KANK1: variants seen among roughly 807,000 people sequenced by gnomAD.
The protein encoded by KANK1 is KN motif and ankyrin repeat domains 1, also known as KN motif and ankyrin repeat domain-containing protein 1.
A neutral mutation model predicts 106.2 loss-of-function variants in KANK1; 109 were observed. The observed-to-expected ratio is 1.03, with a 90% CI of 0.88 to 1.20. The LOEUF (loss-of-function observed/expected upper bound fraction) is 1.20. KANK1 is among the 50% of genes most tolerant of loss of function. The pLI is 0.00. For synonymous variants in KANK1, 873 were observed against 652.2 expected (o/e 1.34, Z -5.16); for missense variants, 2,399 against 1,710.7 (o/e 1.40, Z -7.10).
intron 2 of KANK1, chr9:684,510 A>G: frequency 1.0e-6 from 1 of 985,440 alleles, no homozygotes. Context: ...CAAAGGGTTA[A>G]AACAGCCCTT....
chr9:654,319 C>T (rs979492420), intron 1 of KANK1, among the ~76,000 whole-genome samples: 4 of 152,140 alleles, frequency 2.6e-5, no homozygotes, highest in African/African-American at 9.7e-5. Flanking sequence ...GGGTGTTTTC[C>T]AAATTTTGCT....
chr9:493,879 T>A (rs895347847), intron 3 of KANK1, among the ~76,000 whole-genome samples: 1 of 150,740 alleles, frequency 6.6e-6, no homozygotes, highest in Non-Finnish European at 1.5e-5. Flanking sequence ...ACTAATAGTT[T>A]ACATACATTT....
intron 1 of KANK1, among the ~76,000 whole-genome samples, chr9:635,983 T>G (rs1001133712): frequency 3.9e-5 from 6 of 152,146 alleles, no homozygotes; most frequent in Admixed American, 2.0e-4. Context: ...CTTTATTCCT[T>G]CTTAATGAGG....
At chr9:562,042 CTTTTTTTTT>C (rs34419752) in intron 1 of KANK1, among the ~76,000 whole-genome samples, 4 of 104,926 alleles carry the variant, frequency 3.8e-5, no homozygotes, top group Non-Finnish European at 5.4e-5. Flanking sequence ...ATTGCATTTT[CTTTTTTTTT>C]TTTTTTTTTT....
intron 1 of KANK1, among the ~76,000 whole-genome samples, chr9:561,577 T>TAGGAA (rs1816455625): frequency 6.6e-6 from 1 of 152,218 alleles, no homozygotes; most frequent in Non-Finnish European, 1.5e-5. Flanking sequence ...ATTGGTACTA[T>TAGGAA]TTACTTATGG....
At position 543,559 on chromosome 9, in the gene KANK1, C is replaced by CAAAAAA. The variant is rs57776331; in HGVS notation, c.-84+38820_-84+38825dup. ...GGGCAACAAGAGTGAAACTCTGTCT[C>CAAAAAA]AAAAAAAAAAAAAAAAAAAATTGAA... On this transcript the variant is annotated intron_variant, in intron 1 of 11. Transcript: ENST00000382297. 1.6e-3 allele frequency among the ~76,000 whole-genome samples: 192 copies of CAAAAAA among 120,420 alleles called. 1 individual carries two copies. Among genetic ancestry groups the CAAAAAA allele is most frequent in the Non-Finnish European group, 1.9e-3 (103 of 53,582 alleles). The allele number at this position is 120,420 out of a possible 152,430, so 79.0% of individuals were successfully genotyped here.
rs369806854 is a variant in KANK1, at chr9:607,762, A to C, written c.-83-69128A>C. ...CATTTCCTTGTTCTCCTAACTTACT[A>C]TGCTGGGAGGAAATAATATGGTGTG... On this transcript the variant is annotated intron_variant, in intron 1 of 11. Transcript: ENST00000382297. Among the ~76,000 whole-genome samples, 83 of 151,804 alleles carry C rather than the reference A, an allele frequency of 5.5e-4. 1 individual carries two copies. The highest frequency in any genetic ancestry group is 1.9e-3 in the African/African-American group (78 of 41,144).
At chr9:698,344 T>G (rs1422919139) in intron 2 of KANK1, among the ~76,000 whole-genome samples, 1 of 152,192 alleles carries the variant, frequency 6.6e-6, no homozygotes, top group African/African-American at 2.4e-5. Context: ...CCTAAAATGT[T>G]GTCTCCTGTT....
intron 2 of KANK1, among the ~76,000 whole-genome samples, chr9:698,538 C>G (rs1000333096): frequency 2.6e-5 from 4 of 152,092 alleles, no homozygotes; most frequent in African/African-American, 9.7e-5. Flanking sequence ...AGCCCAGAGA[C>G]CGGATCCTGG....
chr9:516,412 C>T (rs1378345122), intron 1 of KANK1, among the ~76,000 whole-genome samples: 2 of 151,618 alleles, frequency 1.3e-5, no homozygotes, highest in Non-Finnish European at 2.9e-5. Flanking sequence ...TTGGGAGAAG[C>T]GATTCAAATA....
intron 1 of KANK1, among the ~76,000 whole-genome samples, chr9:556,854 C>A (rs1292198298): frequency 1.3e-5 from 2 of 152,166 alleles, no homozygotes; most frequent in Non-Finnish European, 2.9e-5. Context: ...TCATTCCTCC[C>A]TGCCTTAGTC....
At chr9:723,406 G>A (rs1237858024) in intron 3 of KANK1, among the ~76,000 whole-genome samples, 1 of 152,180 alleles carries the variant, frequency 6.6e-6, no homozygotes, top group Non-Finnish European at 1.5e-5. Flanking sequence ...CTGTTACAGA[G>A]GTGGTTACAC....
chr9:518,815 G>T (rs1399977129), intron 1 of KANK1, among the ~76,000 whole-genome samples: 1 of 151,624 alleles, frequency 6.6e-6, no homozygotes, highest in Non-Finnish European at 1.5e-5. Flanking sequence ...GTAGAGGCAG[G>T]CTCAGGGACC....
At chr9:663,165 ATAAAT>A (rs1433806760) in intron 1 of KANK1, among the ~76,000 whole-genome samples, 2 of 152,088 alleles carry the variant, frequency 1.3e-5, no homozygotes, top group African/African-American at 4.8e-5. Flanking sequence ...TAAGCAGAAA[ATAAAT>A]GAGAACTGTA....
At chr9:732,240 C>G (rs1034526108) in intron 5 of KANK1, 138 bp from the exon 6 acceptor site, 1 of 1,025,914 alleles carries the variant, frequency 9.7e-7, no homozygotes, top group African/African-American at 1.6e-5. Flanking sequence ...ATAGACCTTA[C>G]TTTGAACTTC....
chr9:645,758 A>C, intron 1 of KANK1, among the ~76,000 whole-genome samples: 1 of 150,466 alleles, frequency 6.6e-6, no homozygotes. Context: ...GGTGGCATGC[A>C]CCTGTAATCC....
intron 1 of KANK1, among the ~76,000 whole-genome samples, chr9:524,830 G>A (rs1428709747): frequency 2.6e-5 from 4 of 151,288 alleles, no homozygotes; most frequent in African/African-American, 9.8e-5. Context: ...TACTGGTTTT[G>A]ATCAGTGTTC....
At chr9:629,418 A>G (rs16921346) in intron 1 of KANK1, among the ~76,000 whole-genome samples, 4,879 of 152,266 alleles carry the variant, frequency 0.032, 256 homozygotes, top group African/African-American at 0.11. Context: ...CAGAAATACA[A>G]TGTTAATAAA....
At chr9:670,733 C>T (rs1845685293) in intron 1 of KANK1, among the ~76,000 whole-genome samples, 1 of 152,120 alleles carries the variant, frequency 6.6e-6, no homozygotes, top group Admixed American at 6.5e-5. Flanking sequence ...GGTGGTATCT[C>T]CCTTCAGGCA....
Sources: allele counts gnomAD v4.1 joint callset (sites outside exome capture counted in the v4.1 genomes callset), GRCh38; gene constraint gnomAD v4.1.1; transcripts MANE v1.5; gene names NCBI Gene and HGNC (gene_info 2026-07-23, HGNC 2026-07-21).